ALG14: variants seen among roughly 807,000 people sequenced by gnomAD.
ALG14 encodes the protein ALG14 UDP-N-acetylglucosaminyltransferase subunit, also known as UDP-N-acetylglucosamine transferase subunit ALG14.
In ALG14, 17 loss-of-function variants were observed where a neutral mutation model predicts 22.8. The ratio of observed to expected loss-of-function variants is 0.75; its 90% CI spans 0.51 to 1.12. ALG14 has a LOEUF of 1.12. ALG14 is among the 50% of genes most tolerant of loss of function. The probability of loss-of-function intolerance (pLI) is 0.00; values close to 1 mark genes in which losing one functional copy is unlikely to be tolerated. For missense variants in ALG14, 288 were observed against 271.8 expected (o/e 1.06, Z -0.42); for synonymous variants, 89 against 103.7 (o/e 0.86, Z 0.86).
chr1:95,019,598 C>T (rs1673597540), intron 3 of ALG14, among the ~76,000 whole-genome samples: 1 of 152,208 alleles, frequency 6.6e-6, no homozygotes, highest in African/African-American at 2.4e-5. Context: ...AAAGGCACCA[C>T]TGAAGTTGAG....
At chr1:95,045,345 T>A (rs909938881) in intron 2 of ALG14, among the ~76,000 whole-genome samples, 14 of 152,196 alleles carry the variant, frequency 9.2e-5, no homozygotes, top group African/African-American at 3.4e-4. Flanking sequence ...CTTTTGGTTC[T>A]GATTTTAGAG....
chr1:95,042,835 G>A (rs1183935612), intron 2 of ALG14, among the ~76,000 whole-genome samples: 2 of 151,910 alleles, frequency 1.3e-5, no homozygotes, highest in Non-Finnish European at 2.9e-5. Flanking sequence ...AATTTCCCTG[G>A]GTCATAATTT....
intron 3 of ALG14, among the ~76,000 whole-genome samples, chr1:95,009,344 C>T (rs1673304163): frequency 6.6e-6 from 1 of 151,834 alleles, no homozygotes; most frequent in Admixed American, 6.6e-5. Flanking sequence ...AATTTTTACT[C>T]TTCACTATTT....
At chr1:95,048,372 T>C (rs906128041) in intron 2 of ALG14, among the ~76,000 whole-genome samples, 3 of 152,200 alleles carry the variant, frequency 2.0e-5, no homozygotes, top group African/African-American at 7.2e-5. Context: ...CGAGCTTTTT[T>C]CTTCAGTAAT....
intron 3 of ALG14, among the ~76,000 whole-genome samples, chr1:95,026,449 G>C (rs1026417650): frequency 6.7e-6 from 1 of 149,908 alleles, no homozygotes; most frequent in Non-Finnish European, 1.5e-5. Flanking sequence ...TCATAGACAG[G>C]GAAGCCCAAG....
rs536078407 is a variant in ALG14 at position 95,006,588 on chromosome 1, T to C, written c.420+20541A>G. Reference sequence around the variant, plus strand: ...TGAAATGAGCAGGTGCTGACTGATATCCTCCGTTAGAATAACTCCAGAAAT... The same window carrying C: ...TGAAATGAGCAGGTGCTGACTGATACCCTCCGTTAGAATAACTCCAGAAAT... On this transcript the variant is annotated intron_variant, in intron 3 of 3. Transcript: ENST00000370205. 2.4e-4 allele frequency among the ~76,000 whole-genome samples: 37 copies of C among 152,190 alleles called. 1 individual carries two copies. The highest frequency in any genetic ancestry group is 1.6e-4 in the Non-Finnish European group (11 of 68,032).
chr1:94,998,306 G>C (rs1672959475), intron 3 of ALG14, among the ~76,000 whole-genome samples: 3 of 152,072 alleles, frequency 2.0e-5, no homozygotes, highest in African/African-American at 4.8e-5. Flanking sequence ...ACCTCCACTG[G>C]CTGTCTAACC....
intron 2 of ALG14, among the ~76,000 whole-genome samples, chr1:95,043,603 G>C (rs1432911356): frequency 6.6e-6 from 1 of 152,124 alleles, no homozygotes; most frequent in Admixed American, 6.5e-5. Context: ...ACTGCCACCT[G>C]GTGGCAGGAT....
rs1488789711 is a variant in ALG14 at position 94,978,853 on chromosome 1, A to AAT, written c.*4222_*4223insAT. The AAT allele has an allele frequency of 6.6e-6, 1 of 151,230 alleles. No individual in the cohort carries two copies. The highest frequency in any genetic ancestry group is 1.5e-5 in the Non-Finnish European group (1 of 67,736). The allele number at this position is 151,230 out of a possible 1,614,324, so 9.4% of individuals were successfully genotyped here. ...TTTTTTCTTTTTTCTTTAAAAAAAA[A>AAT]AAAAAACACCTAACGTAGCTATTAA... On this transcript the variant is annotated 3_prime_UTR_variant, in exon 4 of 4. Coordinates refer to ENST00000370205, the MANE Select transcript of ALG14 (RefSeq NM_144988.4).
intron 2 of ALG14, among the ~76,000 whole-genome samples, chr1:95,062,905 C>T (rs1310640600): frequency 3.3e-5 from 5 of 152,208 alleles, no homozygotes; most frequent in Non-Finnish European, 7.3e-5. Context: ...AACTAATTTA[C>T]ATTCCCACCA....
At chr1:95,005,539 G>A (rs888999602) in intron 3 of ALG14, among the ~76,000 whole-genome samples, 2 of 152,152 alleles carry the variant, frequency 1.3e-5, no homozygotes, top group South Asian at 2.1e-4. Flanking sequence ...TGGGGACAGG[G>A]ATCAGAAAGA....
intron 3 of ALG14, among the ~76,000 whole-genome samples, chr1:95,008,551 G>GA (rs1012752141): frequency 1.3e-5 from 2 of 151,888 alleles, no homozygotes; most frequent in African/African-American, 4.8e-5. Flanking sequence ...AGAAAAATAG[G>GA]TTTTTCAGAA....
intron 2 of ALG14, among the ~76,000 whole-genome samples, chr1:95,034,982 C>T (rs1410304162): frequency 3.9e-5 from 6 of 152,104 alleles, no homozygotes; most frequent in Non-Finnish European, 7.3e-5. Flanking sequence ...TACCAGTGAC[C>T]GCCCGCCACC....
At chr1:95,035,353 A>G (rs1477783625) in intron 2 of ALG14, among the ~76,000 whole-genome samples, 1 of 152,176 alleles carries the variant, frequency 6.6e-6, no homozygotes, top group Non-Finnish European at 1.5e-5. Context: ...CGTATAGAAG[A>G]AAACATATTT....
chr1:95,047,373 C>T (rs1674597018), intron 2 of ALG14, among the ~76,000 whole-genome samples: 2 of 151,938 alleles, frequency 1.3e-5, no homozygotes, highest in South Asian at 2.1e-4. Context: ...GATGGAGTTT[C>T]GCTCTTGTCA....
intron 2 of ALG14, among the ~76,000 whole-genome samples, chr1:95,038,353 G>C (rs573788391): frequency 1.3e-5 from 2 of 152,158 alleles, no homozygotes; most frequent in Non-Finnish European, 2.9e-5. Flanking sequence ...GCTGGGTATG[G>C]TAGCACGTGC....
chr1:95,051,153 G>C (rs1272370866), intron 2 of ALG14, among the ~76,000 whole-genome samples: 2 of 152,022 alleles, frequency 1.3e-5, no homozygotes, highest in South Asian at 2.1e-4. Context: ...AGATCCCATT[G>C]TATTATCTAC....
At chr1:95,003,587 C>T (rs1673126001) in intron 3 of ALG14, among the ~76,000 whole-genome samples, 1 of 151,616 alleles carries the variant, frequency 6.6e-6, no homozygotes. Flanking sequence ...GTAGCTGAGA[C>T]TACAGTGTGT....
chr1:95,051,292 C>T (rs963613874), intron 2 of ALG14, among the ~76,000 whole-genome samples: 3 of 152,174 alleles, frequency 2.0e-5, no homozygotes, highest in African/African-American at 7.2e-5. Flanking sequence ...CCATCTTCCA[C>T]TCCTCCTCAT....
Sources: allele counts gnomAD v4.1 joint callset (sites outside exome capture counted in the v4.1 genomes callset), GRCh38; gene constraint gnomAD v4.1.1; transcripts MANE v1.5; gene names NCBI Gene and HGNC (gene_info 2026-07-23, HGNC 2026-07-21).